Variants in CDK6 observed in about 807,000 individuals in gnomAD.
CDK6 encodes cyclin dependent kinase 6, also known as cyclin-dependent kinase 6.
In CDK6, 6 loss-of-function variants were observed where a neutral mutation model predicts 37.1. The ratio of observed to expected loss-of-function variants is 0.16; its 90% confidence interval spans 0.09 to 0.32. CDK6 has a LOEUF of 0.32. Ranked by LOEUF, CDK6 falls within the 10% of genes least tolerant of loss-of-function variation. The probability of loss-of-function intolerance (pLI) is 1.00; values close to 1 mark genes in which losing one functional copy is unlikely to be tolerated. For missense variants in CDK6, 224 were observed against 418.9 expected (o/e 0.53, Z 4.06); for synonymous variants, 160 against 161.3 (o/e 0.99, Z 0.06).
chr7:92,659,056 A>T (rs1169805762), intron 5 of CDK6, among the ~76,000 whole-genome samples: 2 of 152,236 alleles, frequency 1.3e-5, no homozygotes, highest in Non-Finnish European at 2.9e-5. Flanking sequence ...CAACATCTAT[A>T]GCCCCTACAC....
At chr7:92,765,581 G>A (rs921024540) in intron 3 of CDK6, among the ~76,000 whole-genome samples, 3 of 152,052 alleles carry the variant, frequency 2.0e-5, no homozygotes, top group Non-Finnish European at 4.4e-5. Context: ...TTCCTGGCTT[G>A]TACAATGGTG....
rs369501078 is a variant in CDK6 at position 92,664,197 on chromosome 7, G to GA, written c.647+7228dup. ...CCATTTGGCTGGTTCTTTAAAGGAA[G>GA]AAAAAAAAAACAAAAACAGAGTCTA... On this transcript the variant is annotated intron_variant, in intron 5 of 7. Coordinates refer to ENST00000424848, the MANE Select transcript of CDK6 (RefSeq NM_001145306.2). Among the ~76,000 whole-genome samples, 833 of 145,514 alleles carry GA rather than the reference G, an allele frequency of 5.7e-3. 4 individuals carry two copies. Among genetic ancestry groups the GA allele is most frequent in the Non-Finnish European group, 7.7e-3 (509 of 65,860 alleles).
intron 3 of CDK6, among the ~76,000 whole-genome samples, chr7:92,770,321 T>C (rs1486534976): frequency 7.5e-6 from 1 of 133,462 alleles, no homozygotes; most frequent in Admixed American, 7.3e-5. Flanking sequence ...TATGTATGCT[T>C]TTTTTTTTTT....
At chr7:92,686,731 T>G (rs2116633207) in intron 4 of CDK6, among the ~76,000 whole-genome samples, 1 of 152,316 alleles carries the variant, frequency 6.6e-6, no homozygotes, top group Admixed American at 6.5e-5. Flanking sequence ...ATGTACTAGT[T>G]TACATTCCCA....
chr7:92,655,007 T>C (rs1307149578), intron 5 of CDK6, among the ~76,000 whole-genome samples: 1 of 140,846 alleles, frequency 7.1e-6, no homozygotes, highest in Non-Finnish European at 1.5e-5. Context: ...CATGCCTGGA[T>C]CATTTTTTTT....
At chr7:92,682,627 A>G (rs1422178936) in intron 4 of CDK6, among the ~76,000 whole-genome samples, 1 of 152,220 alleles carries the variant, frequency 6.6e-6, no homozygotes, top group Non-Finnish European at 1.5e-5. Flanking sequence ...TAAAGCAAGC[A>G]TAAAATAAAC....
chr7:92,785,782 C>T (rs1228584468), intron 2 of CDK6, among the ~76,000 whole-genome samples: 1 of 152,112 alleles, frequency 6.6e-6, no homozygotes, highest in African/African-American at 2.4e-5. Context: ...AATGAGATAC[C>T]CTGCTGACAG....
intron 4 of CDK6, among the ~76,000 whole-genome samples, chr7:92,672,655 C>T (rs1275882979): frequency 6.6e-6 from 1 of 151,882 alleles, no homozygotes; most frequent in Non-Finnish European, 1.5e-5. Context: ...TCTATGGATA[C>T]CCTGGGAGGT....
chr7:92,639,737 C>T (rs1208882965), intron 5 of CDK6, among the ~76,000 whole-genome samples: 2 of 152,056 alleles, frequency 1.3e-5, no homozygotes, highest in Non-Finnish European at 2.9e-5. Context: ...GCCTCTATTC[C>T]TCCTGCTGGA....
chr7:92,753,548 AGTG>A (rs1182699431), intron 3 of CDK6, among the ~76,000 whole-genome samples: 1 of 152,154 alleles, frequency 6.6e-6, no homozygotes, highest in Non-Finnish European at 1.5e-5. Context: ...GCTGGAGTGC[AGTG>A]GTGCAACCTC....
chr7:92,649,164 C>A (rs113212354), intron 5 of CDK6, among the ~76,000 whole-genome samples: 248 of 152,268 alleles, frequency 1.6e-3, no homozygotes, highest in African/African-American at 5.5e-3. Context: ...TCACAGAAAC[C>A]TTTAAGCTCG....
chr7:92,663,497 C>T (rs781192570), intron 5 of CDK6, among the ~76,000 whole-genome samples: 1 of 151,406 alleles, frequency 6.6e-6, no homozygotes, highest in African/African-American at 2.4e-5. Context: ...CTCAGGATTT[C>T]GAGACCAGCC....
At chr7:92,773,182 TG>T (rs1799760017) in intron 3 of CDK6, among the ~76,000 whole-genome samples, 1 of 152,170 alleles carries the variant, frequency 6.6e-6, no homozygotes, top group Non-Finnish European at 1.5e-5. Flanking sequence ...ACATGAGATA[TG>T]TACATTAAAA....
intron 3 of CDK6, among the ~76,000 whole-genome samples, chr7:92,752,790 T>C (rs1159114177): frequency 6.6e-6 from 1 of 152,156 alleles, no homozygotes; most frequent in Non-Finnish European, 1.5e-5. Context: ...TTCAAGCCAA[T>C]GTTTTTTTTG....
At chr7:92,672,196 C>CACACAG (rs1797099887) in intron 4 of CDK6, among the ~76,000 whole-genome samples, 1 of 112,618 alleles carries the variant, frequency 8.9e-6, no homozygotes, top group Non-Finnish European at 1.8e-5. Context: ...CACATACACA[C>CACACAG]ACACACACAC....
At chr7:92,688,293 C>T (rs918395141) in intron 4 of CDK6, among the ~76,000 whole-genome samples, 1 of 152,110 alleles carries the variant, frequency 6.6e-6, no homozygotes, top group African/African-American at 2.4e-5. Context: ...TGTAGTGGTA[C>T]TTTCTATACT....
chr7:92,679,688 T>C (rs914818779), intron 4 of CDK6, among the ~76,000 whole-genome samples: 11 of 152,218 alleles, frequency 7.2e-5, no homozygotes, highest in Non-Finnish European at 1.5e-4. Flanking sequence ...AAACTAGTGA[T>C]AATTTCACTG....
chr7:92,699,154 T>C (rs1797787847), intron 4 of CDK6, among the ~76,000 whole-genome samples: 1 of 152,214 alleles, frequency 6.6e-6, no homozygotes, highest in Non-Finnish European at 1.5e-5. Context: ...CAACTTCAAC[T>C]GGGCTGATAA....
At chr7:92,641,051 A>T (rs2116534565) in intron 5 of CDK6, among the ~76,000 whole-genome samples, 1 of 152,370 alleles carries the variant, frequency 6.6e-6, no homozygotes, top group East Asian at 1.9e-4. Flanking sequence ...AGAAAATTAA[A>T]ATGTTATAAT....
Sources: gnomAD v4.1 joint callset for allele counts (sites outside exome capture counted in the v4.1 genomes callset) on GRCh38, gnomAD v4.1.1 for gene constraint, MANE v1.5 for transcripts, NCBI Gene and HGNC (gene_info 2026-07-23, HGNC 2026-07-21) for gene names.